The following CCSER1 variants were observed in gnomAD, a reference collection of about 807,000 sequenced individuals.
CCSER1 encodes the protein coiled-coil serine rich protein 1, also known as serine-rich coiled-coil domain-containing protein 1.
A neutral mutation model predicts 82.0 loss-of-function variants in CCSER1; 41 were observed. That is an observed-to-expected ratio of 0.50 (90% CI 0.39 to 0.65). The LOEUF (loss-of-function observed/expected upper bound fraction) is 0.65, where lower values mean the gene tolerates loss of function less well. Among genes scored for constraint, CCSER1 ranks in the 30% least tolerant of loss-of-function variants. The probability of loss-of-function intolerance (pLI) is 0.00; values close to 1 mark genes in which losing one functional copy is unlikely to be tolerated. For missense variants in CCSER1, 1,119 were observed against 1,064.2 expected (o/e 1.05, Z -0.72); for synonymous variants, 414 against 383.9 (o/e 1.08, Z -0.92).
chr4:91,071,160 A>G (rs962413574), intron 9 of CCSER1, among the ~76,000 whole-genome samples: 2 of 152,232 alleles, frequency 1.3e-5, no homozygotes, highest in African/African-American at 4.8e-5. Context: ...TTTAGAACCT[A>G]GCATCATGCA....
At chr4:90,617,560 G>C (rs771638593) in intron 5 of CCSER1, among the ~76,000 whole-genome samples, 2 of 152,130 alleles carry the variant, frequency 1.3e-5, no homozygotes, top group Non-Finnish European at 2.9e-5. Context: ...AACCATCTTA[G>C]TGTCTGTGTC....
At chr4:91,595,933 A>G (rs35705274) in intron 10 of CCSER1, among the ~76,000 whole-genome samples, 7 of 135,412 alleles carry the variant, frequency 5.2e-5, no homozygotes, top group African/African-American at 2.0e-4. Flanking sequence ...AGTAAATATC[A>G]CAGAGAACTT....
chr4:90,580,320 CT>C (rs1477400132), intron 5 of CCSER1, among the ~76,000 whole-genome samples: 1 of 152,038 alleles, frequency 6.6e-6, no homozygotes, highest in Non-Finnish European at 1.5e-5. Context: ...CTTTCTATAC[CT>C]TGATTTCCTC....
chr4:90,289,711 G>A (rs1439525782), intron 1 of CCSER1, among the ~76,000 whole-genome samples: 2 of 151,854 alleles, frequency 1.3e-5, no homozygotes, highest in Non-Finnish European at 2.9e-5. Flanking sequence ...AGAATTTGAT[G>A]TCTTAAACTC....
At chr4:90,611,059 C>CTTTTTTTTTTTTTTTTTTTTTTTTTTT (rs201354908) in intron 5 of CCSER1, among the ~76,000 whole-genome samples, 3 of 93,808 alleles carry the variant, frequency 3.2e-5, no homozygotes, top group Non-Finnish European at 5.6e-5. Context: ...CTTTTCTTTT[C>CTTTTTTTTTTTTTTTTTTTTTTTTTTT]TTTTTTTTTT....
At chr4:91,318,488 A>C (rs1745976512) in intron 10 of CCSER1, among the ~76,000 whole-genome samples, 1 of 152,000 alleles carries the variant, frequency 6.6e-6, no homozygotes, top group African/African-American at 2.4e-5. Context: ...GCCAGTTACC[A>C]ACAGTACAAC....
At position 91,520,181 on chromosome 4, in the gene CCSER1, G is replaced by A. The variant is rs575800687; in HGVS notation, c.2218-78391G>A. Among the ~76,000 whole-genome samples, 4 of 151,870 alleles carry A rather than the reference G, an allele frequency of 2.6e-5. No homozygotes were observed. The South Asian group carries it at 8.3e-4, about 32-fold the overall frequency. On this transcript the variant is annotated intron_variant, in intron 10 of 10. Coordinates refer to ENST00000509176, the MANE Select transcript of CCSER1 (RefSeq NM_001145065.2). The stretch of plus-strand genomic sequence containing the variant: ...TTCCTTTGTTTATTTTAATATACAT[G>A]GATATATGTTTTTGAGTTTTTTTTT...
chr4:90,507,055 A>G (rs1251376536), intron 5 of CCSER1, among the ~76,000 whole-genome samples: 2 of 152,180 alleles, frequency 1.3e-5, no homozygotes, highest in African/African-American at 2.4e-5. Context: ...TTTGACAACT[A>G]ACAAGGAAAA....
At chr4:90,829,042 G>A (rs1760818392) in intron 8 of CCSER1, among the ~76,000 whole-genome samples, 1 of 151,952 alleles carries the variant, frequency 6.6e-6, no homozygotes, top group Admixed American at 6.6e-5. Flanking sequence ...AGAAATAACA[G>A]CAAGAAAATA....
chr4:91,108,779 G>C (rs1725850945), intron 10 of CCSER1, among the ~76,000 whole-genome samples: 1 of 152,154 alleles, frequency 6.6e-6, no homozygotes, highest in African/African-American at 2.4e-5. Flanking sequence ...TTTAGTAACT[G>C]TGATGGTTAA....
At chr4:91,027,719 A>T (rs1452304026) in intron 9 of CCSER1, among the ~76,000 whole-genome samples, 1 of 152,002 alleles carries the variant, frequency 6.6e-6, no homozygotes, top group East Asian at 1.9e-4. Context: ...GTTTACTTCT[A>T]ATTTTAGTGA....
At chr4:91,547,392 A>C (rs1367467707) in intron 10 of CCSER1, among the ~76,000 whole-genome samples, 1 of 152,192 alleles carries the variant, frequency 6.6e-6, no homozygotes, top group Non-Finnish European at 1.5e-5. Context: ...TGTTAGGCAC[A>C]TACACGTTAA....
chr4:91,388,710 C>T (rs1472975008), intron 10 of CCSER1, among the ~76,000 whole-genome samples: 1 of 152,014 alleles, frequency 6.6e-6, no homozygotes, highest in African/African-American at 2.4e-5. Flanking sequence ...TTCTTCCTTC[C>T]TAACCTACAT....
At chr4:90,506,895 A>G (rs1012474222) in intron 5 of CCSER1, among the ~76,000 whole-genome samples, 2 of 152,190 alleles carry the variant, frequency 1.3e-5, no homozygotes, top group African/African-American at 2.4e-5. Flanking sequence ...GACATCAGGT[A>G]TTCTTTTTAA....
intron 10 of CCSER1, among the ~76,000 whole-genome samples, chr4:91,453,124 C>T (rs1755958333): frequency 6.6e-6 from 1 of 151,994 alleles, no homozygotes; most frequent in African/African-American, 2.4e-5. Flanking sequence ...ATGATTTATA[C>T]ATTATCATTT....
At chr4:91,517,561 A>G (rs777991858) in intron 10 of CCSER1, among the ~76,000 whole-genome samples, 1 of 152,128 alleles carries the variant, frequency 6.6e-6, no homozygotes, top group Non-Finnish European at 1.5e-5. Context: ...TTGTGTTTCA[A>G]TATTCACCTG....
At chr4:90,619,168 A>G (rs1051139884) in intron 5 of CCSER1, among the ~76,000 whole-genome samples, 10 of 152,004 alleles carry the variant, frequency 6.6e-5, no homozygotes, top group Non-Finnish European at 1.0e-4. Flanking sequence ...CTGAACTTCT[A>G]GCAAATTTTG....
At chr4:91,490,046 T>C (rs1269987870) in intron 10 of CCSER1, among the ~76,000 whole-genome samples, 1 of 152,182 alleles carries the variant, frequency 6.6e-6, no homozygotes, top group Non-Finnish European at 1.5e-5. Context: ...CAATGAGGTA[T>C]GTCACCCCAG....
chr4:90,426,735 G>A (rs1422984446), intron 4 of CCSER1, among the ~76,000 whole-genome samples: 2 of 152,052 alleles, frequency 1.3e-5, no homozygotes, highest in Non-Finnish European at 2.9e-5. Context: ...TAATTAAAGA[G>A]TTTGTTCTTC....
Sources: allele counts gnomAD v4.1 joint callset (sites outside exome capture counted in the v4.1 genomes callset), GRCh38; gene constraint gnomAD v4.1.1; transcripts MANE v1.5; gene names NCBI Gene and HGNC (gene_info 2026-07-23, HGNC 2026-07-21).